The following PDE4D variants were observed in gnomAD, a reference collection of about 807,000 sequenced individuals.
The protein encoded by PDE4D is 3',5'-cyclic-AMP phosphodiesterase 4D.
In PDE4D, 24 loss-of-function variants were observed where a neutral mutation model predicts 87.4. That is an observed-to-expected ratio of 0.27 (90% CI 0.20 to 0.39). The LOEUF is 0.39. Ranked by LOEUF, PDE4D falls within the 10% of genes least tolerant of loss-of-function variation. PDE4D has a pLI of 1.00. For synonymous variants in PDE4D, 384 were observed against 383.2 expected, an observed-to-expected ratio of 1.00 and a Z score of -0.02; for missense variants, 714 against 1,041.0, an observed-to-expected ratio of 0.69 and a Z score of 4.32.
chr5:60,415,537 GC>G (rs1418769743), intron 1 of PDE4D, among the ~76,000 whole-genome samples: 3 of 152,346 alleles, frequency 2.0e-5, no homozygotes, highest in African/African-American at 7.2e-5. Flanking sequence ...GGCTTGGTGG[GC>G]CCGCACTGGG....
At chr5:59,005,832 G>A (rs966566137) in intron 6 of PDE4D, among the ~76,000 whole-genome samples, 1 of 152,200 alleles carries the variant, frequency 6.6e-6, no homozygotes, top group Non-Finnish European at 1.5e-5. Flanking sequence ...GCTCTTAATG[G>A]TGTATGACAG....
At chr5:59,134,348 T>A (rs1425827758) in intron 5 of PDE4D, among the ~76,000 whole-genome samples, 2 of 151,842 alleles carry the variant, frequency 1.3e-5, no homozygotes, top group East Asian at 3.9e-4. Context: ...GAATAACTGA[T>A]AAAATCAACG....
chr5:59,520,671 A>G (rs1220354300), intron 1 of PDE4D, among the ~76,000 whole-genome samples: 1 of 152,220 alleles, frequency 6.6e-6, no homozygotes, highest in African/African-American at 2.4e-5. Context: ...TTATTAAAAA[A>G]AAAAGAAATT....
At chr5:60,078,436 A>T (rs1414959428) in intron 2 of PDE4D, among the ~76,000 whole-genome samples, 1 of 152,102 alleles carries the variant, frequency 6.6e-6, no homozygotes. Flanking sequence ...TCTTGTAAAA[A>T]AAACGGGATA....
At chr5:60,289,183 G>A (rs116122378) in intron 1 of PDE4D, among the ~76,000 whole-genome samples, 1,716 of 152,198 alleles carry the variant, frequency 0.011, 36 homozygotes, top group African/African-American at 0.039. Context: ...AGGAAAATGC[G>A]TTAGAAAAAT....
intron 1 of PDE4D, chr5:59,356,946 A>G (rs1005336355): frequency 2.9e-6 from 4 of 1,377,842 alleles, no homozygotes; most frequent in African/African-American, 3.0e-5. Flanking sequence ...AGGCACTTGT[A>G]GCTGAGTGAG....
chr5:59,566,298 C>T lies in PDE4D; in HGVS notation c.455+326870G>A, dbSNP rs191927172. Among the ~76,000 whole-genome samples the T allele has an allele frequency of 1.8e-3, 275 of 152,220 alleles. 1 individual carries two copies. Among genetic ancestry groups the T allele is most frequent in the Non-Finnish European group, 2.8e-3 (193 of 68,012 alleles). ...CCTTATCTCCCACCTCTGTGCCTGC[C>T]TCCACCCTGGCTCTTCTGCTGCCTT... On this transcript the variant is annotated intron_variant, in intron 1 of 14. Transcript: ENST00000340635.
Position 59,771,478 on chromosome 5 carries a change from AAAGAAAGAGAGAGAGAGAGAG to A in PDE4D, c.455+121669_455+121689del, listed in dbSNP as rs1763492004. Among the ~76,000 whole-genome samples the A allele has an allele frequency of 8.8e-5, 9 of 102,820 alleles. 1 individual carries two copies. The South Asian group carries it at 9.9e-4, about 11-fold the overall frequency. The allele number at this position is 102,820 out of a possible 152,430, so 67.5% of individuals were successfully genotyped here. On this transcript the variant is annotated intron_variant, in intron 1 of 14. Coordinates refer to ENST00000340635, the MANE Select transcript of PDE4D (RefSeq NM_001104631.2). Reference sequence around the variant, plus strand: ...GAAAGAAAGAAAGAAAGAAAGAAAGAAAGAAAGAGAGAGAGAGAGAGAAGAAAGAAAGAAAGAAAGAAAGAA... The same window carrying A: ...GAAAGAAAGAAAGAAAGAAAGAAAGAAAGAAAGAAAGAAAGAAAGAAAGAA...
intron 1 of PDE4D, among the ~76,000 whole-genome samples, chr5:60,445,346 A>G (rs1745564697): frequency 6.6e-6 from 1 of 152,230 alleles, no homozygotes; most frequent in South Asian, 2.1e-4. Flanking sequence ...AAAATTTTAT[A>G]TTATGTTTTT....
intron 1 of PDE4D, among the ~76,000 whole-genome samples, chr5:59,874,741 T>C (rs765200691): frequency 6.6e-6 from 1 of 152,198 alleles, no homozygotes; most frequent in Non-Finnish European, 1.5e-5. Flanking sequence ...CATTCAATCA[T>C]CCCAAGGAAT....
chr5:58,974,620 T>C lies in PDE4D; in HGVS notation c.*44A>G, dbSNP rs1743243149. ...CATGTGACATGCACTTTGGAAACAA[T>C]TTTTCTACTTAAAAAAAAAAAAGGC... is the stretch of plus-strand genomic sequence containing the variant. On this transcript the variant is annotated 3_prime_UTR_variant, in exon 15 of 15. Transcript: ENST00000340635. 6.7e-7 allele frequency: 1 copy of C among 1,501,230 alleles called. No homozygotes were observed. The highest frequency in any genetic ancestry group is 1.4e-5 in the African/African-American group (1 of 70,296). The allele number at this position is 1,501,230 out of a possible 1,614,324, so 93.0% of individuals were successfully genotyped here. A position where few individuals can be genotyped will look rare whatever the true frequency, so the allele number is the denominator to read the frequency against.
At chr5:60,069,889 T>C (rs1562053654) in intron 2 of PDE4D, among the ~76,000 whole-genome samples, 1 of 152,118 alleles carries the variant, frequency 6.6e-6, no homozygotes, top group Non-Finnish European at 1.5e-5. Context: ...TCTTTCACCT[T>C]GTTAGTTAGG....
At chr5:59,010,190 G>A (rs1909296) in intron 6 of PDE4D, among the ~76,000 whole-genome samples, 6 of 152,096 alleles carry the variant, frequency 3.9e-5, no homozygotes, top group African/African-American at 1.4e-4. Context: ...AGCAGGGTGT[G>A]GTGGTGCACT....
chr5:59,707,177 G>A (rs922049497), intron 1 of PDE4D, among the ~76,000 whole-genome samples: 4 of 152,108 alleles, frequency 2.6e-5, no homozygotes, highest in Admixed American at 6.6e-5. Flanking sequence ...ACTAACCAGA[G>A]ATTTCAATAT....
chr5:59,386,686 G>GGAGGAAGGGAGGAAGGGAGGAAGA (rs1787092419), intron 1 of PDE4D, among the ~76,000 whole-genome samples: 2 of 91,602 alleles, frequency 2.2e-5, no homozygotes, highest in South Asian at 4.2e-4. Flanking sequence ...GGGCAGCGCA[G>GGAGGAAGGGAGGAAGGGAGGAAGA]GAGGAAGGGA....
At chr5:59,746,464 G>A (rs753782478) in intron 1 of PDE4D, among the ~76,000 whole-genome samples, 9 of 151,980 alleles carry the variant, frequency 5.9e-5, no homozygotes, top group Non-Finnish European at 1.3e-4. Flanking sequence ...AAAGAAACCG[G>A]CCATCCCAGC....
chr5:59,114,743 T>C (rs1305149125), intron 5 of PDE4D, among the ~76,000 whole-genome samples: 2 of 151,952 alleles, frequency 1.3e-5, no homozygotes, highest in Non-Finnish European at 2.9e-5. Context: ...ACACTGGCAA[T>C]TGACTTAGAG....
chr5:60,329,327 C>T (rs890351579), intron 1 of PDE4D, among the ~76,000 whole-genome samples: 5 of 152,112 alleles, frequency 3.3e-5, no homozygotes, highest in Non-Finnish European at 7.3e-5. Flanking sequence ...GGGCACTTCC[C>T]CTGCTTCGCT....
At chr5:59,181,422 A>G (rs1427705214) in intron 4 of PDE4D, among the ~76,000 whole-genome samples, 1 of 151,702 alleles carries the variant, frequency 6.6e-6, no homozygotes, top group Non-Finnish European at 1.5e-5. Context: ...TGAAAAGAAT[A>G]TCATTTATAA....
Sources: allele counts gnomAD v4.1 joint callset (sites outside exome capture counted in the v4.1 genomes callset), GRCh38; gene constraint gnomAD v4.1.1; transcripts MANE v1.5; gene names NCBI Gene and HGNC (gene_info 2026-07-23, HGNC 2026-07-21).